RPA1: variants seen among roughly 807,000 people sequenced by gnomAD.
The protein encoded by RPA1 is replication protein A1.
In RPA1, 49 loss-of-function variants were observed where a neutral mutation model predicts 83.0. The ratio of observed to expected loss-of-function variants is 0.59; its 90% CI spans 0.47 to 0.75. RPA1 has a LOEUF of 0.75. RPA1 is among the 30% of genes least tolerant of loss of function. The pLI is 0.00. For synonymous variants in RPA1, 279 were observed against 281.8 expected (o/e 0.99, Z 0.10); for missense variants, 693 against 776.1 (o/e 0.89, Z 1.27).
At chr17:1,835,909 G>A (rs566564853) in intron 1 of RPA1, among the ~76,000 whole-genome samples, 1 of 152,026 alleles carries the variant, frequency 6.6e-6, no homozygotes, top group East Asian at 1.9e-4. Flanking sequence ...GATCCCTTGA[G>A]GCCAAGAAAG....
intron 12 of RPA1, among the ~76,000 whole-genome samples, chr17:1,883,298 G>A (rs899854281): frequency 3.9e-5 from 6 of 152,096 alleles, no homozygotes; most frequent in African/African-American, 7.2e-5. Context: ...CGAGTAGCTG[G>A]GATTACAGGC....
At chr17:1,885,970 G>A (rs1913974280) in intron 13 of RPA1, among the ~76,000 whole-genome samples, 1 of 151,592 alleles carries the variant, frequency 6.6e-6, no homozygotes, top group Non-Finnish European at 1.5e-5. Flanking sequence ...TGAGCCCTCG[G>A]GTGAACAGGT....
chr17:1,861,297 C>T (rs548378053), intron 5 of RPA1, among the ~76,000 whole-genome samples: 2 of 152,316 alleles, frequency 1.3e-5, no homozygotes, highest in South Asian at 4.1e-4. Context: ...CTGGCAGGCC[C>T]CCTAAGCCCT....
chr17:1,884,924 G>A lies in RPA1; in HGVS notation c.1374+980G>A, dbSNP rs1257815045. Among the ~76,000 whole-genome samples the A allele has an allele frequency of 6.6e-6, 1 of 152,186 alleles. No homozygotes were observed. The highest frequency in any genetic ancestry group is 6.6e-5 in the Admixed American group (1 of 15,260). On this transcript the variant is annotated intron_variant, in intron 13 of 16. Transcript: ENST00000254719. The surrounding 1 kb of genome is among the most constrained non-coding windows in gnomAD (Gnocchi z 4.1). Reference sequence around the variant, plus strand: ...GGTGGGGGTTTGTTTCAGGGTTGATGGCTGAGCAGTCACGGCGATGGTTGC... The same window carrying A: ...GGTGGGGGTTTGTTTCAGGGTTGATAGCTGAGCAGTCACGGCGATGGTTGC...
Position 1,877,198 on chromosome 17 carries a change from G to T in RPA1, c.588-14G>T, listed in dbSNP as rs111514401. The T allele has an allele frequency of 3.3e-5, 53 of 1,612,424 alleles. 1 individual carries two copies. Among genetic ancestry groups the T allele is most frequent in the African/African-American group, 2.7e-4 (20 of 75,006 alleles). ...GAAGACCCCATACACTAATATGATCGATTTGGTTTGTAGGTGGACCATTTG... is the reference window on the plus strand; with the variant it reads ...GAAGACCCCATACACTAATATGATCTATTTGGTTTGTAGGTGGACCATTTG... On this transcript the variant is annotated splice_polypyrimidine_tract_variant and intron_variant, in intron 7 of 16. Transcript: ENST00000254719.
chr17:1,841,219 T>C (rs967318945), intron 1 of RPA1, among the ~76,000 whole-genome samples: 1 of 152,214 alleles, frequency 6.6e-6, no homozygotes, highest in African/African-American at 2.4e-5. Flanking sequence ...ATCAACTTAC[T>C]AGTTTTTATA....
intron 12 of RPA1, among the ~76,000 whole-genome samples, chr17:1,882,514 G>T (rs1913833464): frequency 6.6e-6 from 1 of 151,896 alleles, no homozygotes; most frequent in African/African-American, 2.4e-5. Context: ...AATCAGCCGG[G>T]CCTGTAGTCC....
At position 1,897,153 on chromosome 17, in the gene RPA1, T is replaced by C. The variant is rs1400206154; in HGVS notation, c.1829T>C (p.Ile610Thr). The C allele has an allele frequency of 6.4e-7, 1 of 1,558,948 alleles. No homozygotes were observed. The highest frequency in any genetic ancestry group is 8.7e-7 in the Non-Finnish European group (1 of 1,151,192). Residue 610 changes from isoleucine to threonine, a missense_variant, in exon 17 of 17, where the codon ATC (isoleucine) becomes ACC (threonine). Transcript: ENST00000254719. ...TATGGCCGAAGGCTGGTCATGAGCA[T>C]CAGGAGAAGTGCATTGATGTGAGAG... Reference protein sequence around the residue: ...REYGRRLVMSIRRSALM With the variant: ...REYGRRLVMSTRRSALM
intron 1 of RPA1, among the ~76,000 whole-genome samples, chr17:1,832,123 G>T (rs1190647324): frequency 2.0e-5 from 3 of 151,558 alleles, no homozygotes; most frequent in Non-Finnish European, 4.4e-5. Flanking sequence ...AGACACGGGG[G>T]TTTCACCATG....
At chr17:1,883,114 A>G (rs535028143) in intron 12 of RPA1, among the ~76,000 whole-genome samples, 1 of 152,210 alleles carries the variant, frequency 6.6e-6, no homozygotes, top group Admixed American at 6.5e-5. Context: ...TGAGTCCAGG[A>G]GTTTGAGATC....
intron 1 of RPA1, among the ~76,000 whole-genome samples, chr17:1,831,384 G>C (rs774970859): frequency 6.6e-6 from 1 of 152,004 alleles, no homozygotes; most frequent in Non-Finnish European, 1.5e-5. Context: ...TTTTGCCTCT[G>C]CGTAGATCTA....
chr17:1,887,480 C>T (rs1419450934), intron 13 of RPA1, among the ~76,000 whole-genome samples: 1 of 147,442 alleles, frequency 6.8e-6, no homozygotes, highest in Non-Finnish European at 1.5e-5. Flanking sequence ...AATCGTTTGA[C>T]CCTGGGAGGC....
At chr17:1,845,941 CCAAAA>C (rs1430876895) in intron 4 of RPA1, among the ~76,000 whole-genome samples, 1 of 151,968 alleles carries the variant, frequency 6.6e-6, no homozygotes, top group African/African-American at 2.4e-5. Flanking sequence ...TCAAAAAAGA[CCAAAA>C]CAACAACAAC....
intron 16 of RPA1, among the ~76,000 whole-genome samples, chr17:1,896,844 T>C (rs887792092): frequency 1.1e-4 from 16 of 152,180 alleles, no homozygotes; most frequent in Non-Finnish European, 1.9e-4. Context: ...TCTGGGTGTT[T>C]GGGAGCTTGG....
intron 1 of RPA1, among the ~76,000 whole-genome samples, chr17:1,840,264 G>T (rs1662820158): frequency 6.6e-6 from 1 of 152,026 alleles, no homozygotes; most frequent in Non-Finnish European, 1.5e-5. Context: ...CTGAGTAGCT[G>T]GGACTACAGG....
chr17:1,848,549 T>G (rs1014069590), intron 4 of RPA1, among the ~76,000 whole-genome samples: 3 of 151,856 alleles, frequency 2.0e-5, no homozygotes, highest in African/African-American at 7.2e-5. Flanking sequence ...AGGCAGAAGT[T>G]GCAGTGAGTC....
chr17:1,891,862 G>A lies in RPA1; in HGVS notation c.1581G>A (p.Gln527=). The A allele has an allele frequency of 6.2e-7, 1 of 1,604,642 alleles. No homozygotes were observed. Among genetic ancestry groups the A allele is most frequent in the Non-Finnish European group, 8.5e-7 (1 of 1,172,534 alleles). ...SVNIADFQEN[Q]WVTCFQESAE... is the part of the protein sequence containing the mutation. Reference sequence around the variant, plus strand: ...ATATTGCAGATTTTCAAGAGAATCAGTGGGTGACTTGTTTCCAGGAGTCTG... The same window carrying A: ...ATATTGCAGATTTTCAAGAGAATCAATGGGTGACTTGTTTCCAGGAGTCTG... Residue 527 remains glutamine, a synonymous_variant, in exon 15 of 17, where the codon CAG becomes CAA. Coordinates refer to ENST00000254719, the MANE Select transcript of RPA1 (RefSeq NM_002945.5).
chr17:1,865,856 A>G (rs1913156980), intron 5 of RPA1, among the ~76,000 whole-genome samples: 1 of 152,154 alleles, frequency 6.6e-6, no homozygotes, highest in Admixed American at 6.6e-5. Flanking sequence ...GCTGGTCTCA[A>G]ACTCCTGGGC....
chr17:1,836,941 G>A (rs1421373518), intron 1 of RPA1, among the ~76,000 whole-genome samples: 3 of 151,536 alleles, frequency 2.0e-5, no homozygotes, highest in African/African-American at 7.3e-5. Flanking sequence ...GGGTTGAAGC[G>A]ATTCTCTTCC....
Sources: allele counts gnomAD v4.1 joint callset (sites outside exome capture counted in the v4.1 genomes callset), GRCh38; gene constraint gnomAD v4.1.1; non-coding constraint Gnocchi (gnomAD v3.1); transcripts MANE v1.5; gene names NCBI Gene and HGNC (gene_info 2026-07-23, HGNC 2026-07-21).